The following PAPPA variants were observed in gnomAD, a reference collection of about 807,000 sequenced individuals.
PAPPA encodes the protein pappalysin-1.
Under a neutral mutation model 164.0 loss-of-function variants are expected in PAPPA, and 60 were observed. That is an observed-to-expected ratio of 0.37 (90% CI 0.30 to 0.45). PAPPA has a LOEUF of 0.45. Ranked by LOEUF, PAPPA falls within the 20% of genes least tolerant of loss-of-function variation. PAPPA has a pLI of 1.00. For missense variants in PAPPA, 1,782 were observed against 2,087.3 expected, an observed-to-expected ratio of 0.85 and a Z score of 2.85; for synonymous variants, 875 against 814.1, an observed-to-expected ratio of 1.07 and a Z score of -1.27.
At chr9:116,212,263 A>G (rs776955564) in intron 4 of PAPPA, among the ~76,000 whole-genome samples, 40 of 152,210 alleles carry the variant, frequency 2.6e-4, no homozygotes, top group Admixed American at 5.2e-4. Context: ...TGCAAGAACA[A>G]TGAGAGTGCT....
rs1276187721 is a variant in PAPPA, at chr9:116,289,324, G to GCCATATATATATA, written c.2954-13433_2954-13432insCCATATATATATA. On this transcript the variant is annotated intron_variant, in intron 9 of 21. Transcript: ENST00000328252. ...TATAGCATATATATGGCATATATAT[G>GCCATATATATATA]GCATATATATAGCATATATATGGCA... Among the ~76,000 whole-genome samples the GCCATATATATATA allele has an allele frequency of 1.3e-4, 13 of 98,760 alleles. 1 individual carries two copies. The highest frequency in any genetic ancestry group is 4.2e-4 in the African/African-American group (11 of 26,176). 64.8% of individuals were successfully genotyped at this position (98,760 alleles called of 152,430 possible).
At chr9:116,192,359 G>T (rs1164815731) in intron 2 of PAPPA, among the ~76,000 whole-genome samples, 1 of 152,134 alleles carries the variant, frequency 6.6e-6, no homozygotes, top group Non-Finnish European at 1.5e-5. Flanking sequence ...AGTTTAAGGG[G>T]TTATTATGGC....
rs1327841096 is a variant in PAPPA at position 116,302,921 on chromosome 9, G to A, written c.3118G>A (p.Val1040Ile). 1 of 1,613,910 alleles carries A rather than the reference G, an allele frequency of 6.2e-7. No individual in the cohort carries two copies. Among genetic ancestry groups the A allele is most frequent in the African/African-American group, 1.3e-5 (1 of 75,020 alleles). The change falls in exon 10 of 22, where the codon GTC becomes ATC. Residue 1040 changes from valine to isoleucine, a missense_variant. Val to Ile is a conservative substitution (Grantham distance 29). Coordinates refer to ENST00000328252, the MANE Select transcript of PAPPA (RefSeq NM_002581.5). The part of the protein sequence containing the change: ...SHQDQQCPGW[V>I]IIGQPAASQV... Reference sequence around the variant, plus strand: ...TCAAGACCAGCAATGCCCAGGCTGGGTCATCATCGGACAGCCAGCAGCATC... The same window carrying A: ...TCAAGACCAGCAATGCCCAGGCTGGATCATCATCGGACAGCCAGCAGCATC...
At chr9:116,260,403 T>C (rs186461687) in intron 7 of PAPPA, among the ~76,000 whole-genome samples, 6 of 152,296 alleles carry the variant, frequency 3.9e-5, no homozygotes, top group East Asian at 3.9e-4. Context: ...GCTCAAAAAG[T>C]GAATGTTTCC....
intron 10 of PAPPA, among the ~76,000 whole-genome samples, chr9:116,326,090 A>G (rs748646048): frequency 2.0e-5 from 3 of 152,240 alleles, no homozygotes; most frequent in Non-Finnish European, 2.9e-5. Context: ...GGACTGTCCA[A>G]TGGTACATAG....
chr9:116,316,635 T>C (rs1485189744), intron 10 of PAPPA: 1 of 152,250 alleles, frequency 6.6e-6, no homozygotes, highest in African/African-American at 2.4e-5. Flanking sequence ...AGTCACTGTT[T>C]CTACCTCTGA....
At chr9:116,323,326 T>G (rs1327772724) in intron 10 of PAPPA, among the ~76,000 whole-genome samples, 1 of 152,086 alleles carries the variant, frequency 6.6e-6, no homozygotes, top group Non-Finnish European at 1.5e-5. Flanking sequence ...CTGGAACGCC[T>G]AGTCACCACC....
chr9:116,392,279 AC>A (rs1478124903), intron 21 of PAPPA, among the ~76,000 whole-genome samples: 1 of 151,946 alleles, frequency 6.6e-6, no homozygotes, highest in East Asian at 1.9e-4. Context: ...CCTTCTTTTT[AC>A]TCTCACTTGC....
chr9:116,266,040 T>C lies in PAPPA; in HGVS notation c.2861+55T>C, dbSNP rs113208043. On this transcript the variant is annotated intron_variant, in intron 8 of 21. Transcript: ENST00000328252. ...GAGGGATGCTGGTTAGGTCAAGAGA[T>C]GGTTAGGGTGCTGAACAGAAGAGCT... The C allele has an allele frequency of 2.4e-4, 360 of 1,497,964 alleles. 2 individuals are homozygous for C. The East Asian group carries it at 7.3e-3, about 31-fold the overall frequency. 92.8% of individuals were successfully genotyped at this position (1,497,964 alleles called of 1,614,324 possible). A position where few individuals can be genotyped will look rare whatever the true frequency, so the allele number is the denominator to read the frequency against.
At chr9:116,353,559 T>C (rs1296805478) in intron 16 of PAPPA, 63 bp from the exon 17 acceptor site, 1 of 1,439,824 alleles carries the variant, frequency 6.9e-7, no homozygotes. Flanking sequence ...GTGGTGTTCA[T>C]GCAGGGCATG....
chr9:116,319,187 C>T (rs1238626608), intron 10 of PAPPA, among the ~76,000 whole-genome samples: 1 of 152,182 alleles, frequency 6.6e-6, no homozygotes, highest in Non-Finnish European at 1.5e-5. Context: ...AGCAGGCCTG[C>T]GGAGGGCCCG....
chr9:116,332,726 C>T, intron 12 of PAPPA: 1 of 361,688 alleles, frequency 2.8e-6, no homozygotes, highest in Non-Finnish European at 5.1e-6. Context: ...CTCAGACATC[C>T]TGTATTATTC....
rs531748067 is a variant in PAPPA, at chr9:116,252,811, C to T, written c.2733-13046C>T. On this transcript the variant is annotated intron_variant, in intron 7 of 21. Transcript: ENST00000328252. ...AACGTTTCCACTTCCTTTGGTATAC[C>T]GTGAATTTCAGTCTAAATGAACTGT... Among the ~76,000 whole-genome samples, 93 of 152,250 alleles carry T rather than the reference C, an allele frequency of 6.1e-4. 2 individuals carry two copies. The South Asian group carries it at 0.018, about 30-fold the overall frequency.
At chr9:116,213,895 A>C (rs1281048001) in intron 4 of PAPPA, among the ~76,000 whole-genome samples, 1 of 152,206 alleles carries the variant, frequency 6.6e-6, no homozygotes, top group Non-Finnish European at 1.5e-5. Flanking sequence ...GCAATTCAAA[A>C]TGCAGAACAG....
chr9:116,154,137 G>A lies in PAPPA; in HGVS notation c.-36G>A. 1 of 1,193,394 alleles carries A rather than the reference G, an allele frequency of 8.4e-7. No homozygotes were observed. Among genetic ancestry groups the A allele is most frequent in the South Asian group, 1.3e-5 (1 of 75,694 alleles). 73.9% of individuals were successfully genotyped at this position (1,193,394 alleles called of 1,614,324 possible). A position where few individuals can be genotyped will look rare whatever the true frequency, so the allele number is the denominator to read the frequency against. ...AAAGCTGGCAGCTCCGGGTGGCGGTGCAGGGGCGAAGGGGGGGCGGGGGGA... is the reference window on the plus strand; with the variant it reads ...AAAGCTGGCAGCTCCGGGTGGCGGTACAGGGGCGAAGGGGGGGCGGGGGGA... On this transcript the variant is annotated 5_prime_UTR_variant, in exon 1 of 22. Coordinates refer to ENST00000328252, the MANE Select transcript of PAPPA (RefSeq NM_002581.5). The surrounding 1 kb of genome is among the most constrained non-coding windows in gnomAD (Gnocchi z 5.2).
At chr9:116,229,692 G>T (rs775611284) in intron 6 of PAPPA, among the ~76,000 whole-genome samples, 1 of 152,164 alleles carries the variant, frequency 6.6e-6, no homozygotes, top group African/African-American at 2.4e-5. Context: ...GGTAAGACCT[G>T]CATGTCATAA....
chr9:116,308,803 G>C (rs528385785), intron 10 of PAPPA, among the ~76,000 whole-genome samples: 1 of 152,186 alleles, frequency 6.6e-6, no homozygotes, highest in Non-Finnish European at 1.5e-5. Context: ...TTCACCCATT[G>C]CCCTTTCCAG....
intron 10 of PAPPA, among the ~76,000 whole-genome samples, chr9:116,322,655 A>G (rs1304059567): frequency 1.3e-5 from 2 of 152,132 alleles, no homozygotes; most frequent in East Asian, 1.9e-4. Context: ...GGAGGTTTAT[A>G]TCAGGAAACC....
At chr9:116,294,992 G>A (rs567903783) in intron 9 of PAPPA, among the ~76,000 whole-genome samples, 2 of 152,288 alleles carry the variant, frequency 1.3e-5, no homozygotes, top group East Asian at 3.9e-4. Context: ...TTTCAGAAGA[G>A]TGCACATTCA....
Sources: allele counts gnomAD v4.1 joint callset (sites outside exome capture counted in the v4.1 genomes callset), GRCh38; gene constraint gnomAD v4.1.1; non-coding constraint Gnocchi (gnomAD v3.1); transcripts MANE v1.5; gene names NCBI Gene and HGNC (gene_info 2026-07-23, HGNC 2026-07-21).